The following NIPAL3 variants were observed in gnomAD, a reference collection of about 807,000 sequenced individuals.
NIPAL3 encodes the protein NIPA-like protein 3.
NIPAL3 carries 41 observed loss-of-function variants against 47.2 expected under a neutral mutation model. The observed-to-expected ratio is 0.87, with a 90% CI of 0.68 to 1.13. The LOEUF (loss-of-function observed/expected upper bound fraction) is 1.13. NIPAL3 is among the 50% of genes most tolerant of loss of function. The pLI is 0.00. For synonymous variants in NIPAL3, 194 were observed against 209.6 expected, an observed-to-expected ratio of 0.93 and a Z score of 0.64; for missense variants, 449 against 530.1, an observed-to-expected ratio of 0.85 and a Z score of 1.50.
Position 24,416,033 on chromosome 1 carries a change from A to T in NIPAL3, c.-258+129A>T, listed in dbSNP as rs189394656. On this transcript the variant is annotated intron_variant, in intron 1 of 11. Transcript: ENST00000374399. This position sits in a 1 kb window ranked among gnomAD's most constrained non-coding sequence, Gnocchi z 4.8. ...CTTCTTACTGTCACCAGCCTCGCCA[A>T]CCTGGGTCCCGTTGCCTTGGAATGT... 2.0e-6 allele frequency: 2 copies of T among 985,542 alleles called. No individual in the cohort carries two copies. Among genetic ancestry groups the T allele is most frequent in the Admixed American group, 1.2e-4 (2 of 16,284 alleles). The allele number at this position is 985,542 out of a possible 1,614,324, so 61.0% of individuals were successfully genotyped here. A position where few individuals can be genotyped will look rare whatever the true frequency, so the allele number is the denominator to read the frequency against.
chr1:24,419,975 G>T, intron 2 of NIPAL3: 1 of 211,992 alleles, frequency 4.7e-6, no homozygotes, highest in Non-Finnish European at 9.6e-6. Flanking sequence ...CCAGCTACTC[G>T]GGAAGCTGAG....
In NIPAL3 at chr1:24,415,834, C is replaced by A; in HGVS notation, c.-328C>A. ...GAAGGGATGAAGGAGGCTGTGCCTC[C>A]GGGTTGCACGAAGAGTCCGAGTCAT... On this transcript the variant is annotated 5_prime_UTR_variant, in exon 1 of 12. Transcript: ENST00000374399. 1.0e-6 allele frequency: 1 copy of A among 985,388 alleles called. No homozygotes were observed. The highest frequency in any genetic ancestry group is 4.7e-5 in the South Asian group (1 of 21,272). The allele number at this position is 985,388 out of a possible 1,614,324, so 61.0% of individuals were successfully genotyped here.
intron 11 of NIPAL3, 131 bp downstream of exon 11, chr1:24,464,251 TTTC>T (rs1360047153): frequency 5.8e-5 from 40 of 684,686 alleles, no homozygotes; most frequent in Non-Finnish European, 7.4e-5. Context: ...TCTTTTTTCT[TTTC>T]TTTTTAATTT....
In NIPAL3 at chr1:24,471,153, A is replaced by G. The variant is rs578032507; in HGVS notation, c.*1968A>G. 26 of 152,384 alleles carry G rather than the reference A, an allele frequency of 1.7e-4. No homozygotes were observed. The highest frequency in any genetic ancestry group is 6.3e-4 in the African/African-American group (26 of 41,586). 9.4% of individuals were successfully genotyped at this position (152,384 alleles called of 1,614,324 possible). ...GATGGGTGGCAAATCTAAGATTTGT[A>G]TAAAGCATATAAAATAGGGTGATCA... On this transcript the variant is annotated 3_prime_UTR_variant, in exon 12 of 12. Transcript: ENST00000374399.
chr1:24,470,900 T>C lies in NIPAL3; in HGVS notation c.*1715T>C, dbSNP rs538765120. On this transcript the variant is annotated 3_prime_UTR_variant, in exon 12 of 12. Transcript: ENST00000374399. Reference sequence around the variant, plus strand: ...ATGGGTATCAATTCAACAATATTTATAAGGCATTTACTGTGTGCTAAGCAT... The same window carrying C: ...ATGGGTATCAATTCAACAATATTTACAAGGCATTTACTGTGTGCTAAGCAT... 6.6e-6 allele frequency: 1 copy of C among 152,220 alleles called. No individual in the cohort carries two copies. Among genetic ancestry groups the C allele is most frequent in the Non-Finnish European group, 1.5e-5 (1 of 68,054 alleles). The allele number at this position is 152,220 out of a possible 1,614,324, so 9.4% of individuals were successfully genotyped here. A position where few individuals can be genotyped will look rare whatever the true frequency, so the allele number is the denominator to read the frequency against.
rs187681408 is a variant in NIPAL3 at position 24,438,592 on chromosome 1, G to A, written c.94-1580G>A. ...ACTGTTACTGCTGACTGTGTCCTGA[G>A]GGGGAAGCCTCGGCCAGCTCTGGCC... is the stretch of plus-strand genomic sequence containing the variant. On this transcript the variant is annotated intron_variant, in intron 2 of 11. Transcript: ENST00000374399. Among the ~76,000 whole-genome samples, 826 of 152,332 alleles carry A rather than the reference G, an allele frequency of 5.4e-3. 3 individuals are homozygous for A. The highest frequency in any genetic ancestry group is 9.5e-3 in the Non-Finnish European group (648 of 68,022).
chr1:24,462,673 A>G (rs1238044581), intron 10 of NIPAL3, among the ~76,000 whole-genome samples: 2 of 152,186 alleles, frequency 1.3e-5, no homozygotes, highest in Non-Finnish European at 2.9e-5. Context: ...AGGCTGAGGC[A>G]GTATAATGGA....
chr1:24,422,774 C>G (rs1226387120), intron 2 of NIPAL3, among the ~76,000 whole-genome samples: 1 of 152,188 alleles, frequency 6.6e-6, no homozygotes, highest in East Asian at 1.9e-4. Flanking sequence ...CTCAAGTAGG[C>G]AGTGTTACTG....
chr1:24,460,274 T>TG (rs1646409336), intron 9 of NIPAL3, among the ~76,000 whole-genome samples: 1 of 152,134 alleles, frequency 6.6e-6, no homozygotes, highest in African/African-American at 2.4e-5. Context: ...AAAAACAACA[T>TG]GGAGATCAGA....
intron 1 of NIPAL3, 25 bp downstream of exon 1, chr1:24,415,929 G>A: frequency 2.0e-6 from 2 of 984,684 alleles, no homozygotes; most frequent in South Asian, 4.7e-5. Context: ...ACACCGGGAG[G>A]AAGGGGAATT....
At chr1:24,430,245 T>A (rs993866813) in intron 2 of NIPAL3, among the ~76,000 whole-genome samples, 1 of 151,588 alleles carries the variant, frequency 6.6e-6, no homozygotes, top group Non-Finnish European at 1.5e-5. Flanking sequence ...CTTTTTTTTT[T>A]TTTTCCTTTT....
chr1:24,443,479 C>T (rs1339536546), intron 4 of NIPAL3, among the ~76,000 whole-genome samples: 3 of 152,118 alleles, frequency 2.0e-5, no homozygotes, highest in African/African-American at 4.8e-5. Flanking sequence ...ACTATGTGCC[C>T]CTCCCTTGCT....
At chr1:24,463,312 T>G (rs1646559671) in intron 10 of NIPAL3, among the ~76,000 whole-genome samples, 1 of 152,222 alleles carries the variant, frequency 6.6e-6, no homozygotes, top group Admixed American at 6.5e-5. Flanking sequence ...CAGACTAATT[T>G]CATCCATGGT....
chr1:24,440,009 C>CT lies in NIPAL3; in HGVS notation c.94-161dup, dbSNP rs541651087. Among the ~76,000 whole-genome samples, 568 of 152,340 alleles carry CT rather than the reference C, an allele frequency of 3.7e-3. 3 individuals carry two copies. The highest frequency in any genetic ancestry group is 0.02 in the South Asian group (95 of 4,822). On this transcript the variant is annotated intron_variant, in intron 2 of 11. Transcript: ENST00000374399. ...AAACCAGCAAAGCAGCCAGATTAACCTTCAGTAGTAACATTCCAGTTGTGG... is the reference window on the plus strand; with the variant it reads ...AAACCAGCAAAGCAGCCAGATTAACCTTTCAGTAGTAACATTCCAGTTGTGG...
intron 2 of NIPAL3, among the ~76,000 whole-genome samples, chr1:24,432,192 C>T (rs1644909935): frequency 6.6e-6 from 1 of 152,118 alleles, no homozygotes; most frequent in Non-Finnish European, 1.5e-5. Context: ...GGCAATGGCA[C>T]AACCTCGGCT....
intron 8 of NIPAL3, among the ~76,000 whole-genome samples, chr1:24,457,472 A>T (rs1410884797): frequency 6.6e-6 from 1 of 152,228 alleles, no homozygotes; most frequent in Non-Finnish European, 1.5e-5. Flanking sequence ...AAGGTCCACC[A>T]GCTACATGGC....
chr1:24,469,093 C>T lies in NIPAL3; in HGVS notation c.1129C>T (p.Pro377Ser), dbSNP rs370261035. Residue 377 changes from proline to serine, a missense_variant, in exon 12 of 12, where the codon CCT becomes TCT. Pro to Ser is a moderately conservative substitution (Grantham distance 74). Coordinates refer to ENST00000374399, the MANE Select transcript of NIPAL3 (RefSeq NM_020448.5). ...TGACAACATTTCTGAGATCTACGCT[C>T]CTGCCACCCTGCCAGTCATGCAAGA... ...NNDNISEIYA[P>S]ATLPVMQEEH... The T allele has an allele frequency of 6.2e-7, 1 of 1,614,094 alleles. No homozygotes were observed. Among genetic ancestry groups the T allele is most frequent in the Non-Finnish European group, 8.5e-7 (1 of 1,180,024 alleles).
chr1:24,458,988 C>G lies in NIPAL3; in HGVS notation c.862+12C>G. The G allele has an allele frequency of 6.2e-7, 1 of 1,610,860 alleles. No individual in the cohort carries two copies. The highest frequency in any genetic ancestry group is 2.2e-5 in the East Asian group (1 of 44,834). On this transcript the variant is annotated intron_variant, in intron 9 of 11. Transcript: ENST00000374399. ...TGCTATCACAGCAGGTAAGGGTGACCCATTGCTAGATTTCTGTCTTCTACT... is the reference window on the plus strand; with the variant it reads ...TGCTATCACAGCAGGTAAGGGTGACGCATTGCTAGATTTCTGTCTTCTACT...
At chr1:24,455,797 G>A (rs963904967) in intron 7 of NIPAL3, among the ~76,000 whole-genome samples, 6 of 152,158 alleles carry the variant, frequency 3.9e-5, no homozygotes, top group East Asian at 1.9e-4. Context: ...TGATCCACTC[G>A]GATCCTTTTG....
Sources: allele counts gnomAD v4.1 joint callset (sites outside exome capture counted in the v4.1 genomes callset), GRCh38; gene constraint gnomAD v4.1.1; non-coding constraint Gnocchi (gnomAD v3.1); transcripts MANE v1.5; gene names NCBI Gene and HGNC (gene_info 2026-07-23, HGNC 2026-07-21).